The following BANK1 variants were observed in gnomAD, a reference collection of about 807,000 sequenced individuals.
BANK1 encodes the protein B cell scaffold protein with ankyrin repeats 1.
BANK1 carries 95 observed loss-of-function variants against 94.5 expected under a neutral mutation model. The observed-to-expected ratio is 1.00, with a 90% CI of 0.85 to 1.19. The LOEUF is 1.19. BANK1 is among the 50% of genes most tolerant of loss of function. BANK1 has a pLI of 0.00. For missense variants in BANK1, 987 were observed against 932.2 expected (o/e 1.06, Z -0.77); for synonymous variants, 334 against 308.4 (o/e 1.08, Z -0.87).
Position 101,830,105 on chromosome 4 carries a change from A to C in BANK1, c.368A>C (p.Gln123Pro). ...TLLCGVKSSD[Q>P]LYELLNISQS... is the part of the protein sequence containing the mutation. ...CTTTGTGGAGTGAAGAGTTCAGATC[A>C]GCTCTATGAATTACTAAATATCTCT... The change falls in exon 2 of 17, where the codon CAG (glutamine) becomes CCG (proline). Residue 123 changes from glutamine (Q) to proline (P), a missense_variant. Physicochemically the swap from Gln to Pro is moderately conservative, Grantham distance 76. Transcript: ENST00000322953. 1 of 1,613,254 alleles carries C rather than the reference A, an allele frequency of 6.2e-7. No homozygotes were observed. The highest frequency in any genetic ancestry group is 8.5e-7 in the Non-Finnish European group (1 of 1,179,724).
At chr4:102,031,868 C>T (rs751740166) in intron 10 of BANK1, among the ~76,000 whole-genome samples, 14 of 152,058 alleles carry the variant, frequency 9.2e-5, no homozygotes, top group South Asian at 4.1e-4. Context: ...TTAGCAAGCA[C>T]GTATAAAGTA....
chr4:101,819,031 A>G (rs554082199), intron 1 of BANK1, among the ~76,000 whole-genome samples: 46 of 152,200 alleles, frequency 3.0e-4, no homozygotes, highest in Non-Finnish European at 3.4e-4. Context: ...CATAAAAAAT[A>G]CCCACAGGAT....
At chr4:102,031,478 A>C (rs1474044389) in intron 10 of BANK1, among the ~76,000 whole-genome samples, 8 of 152,076 alleles carry the variant, frequency 5.3e-5, no homozygotes, top group African/African-American at 1.9e-4. Flanking sequence ...TTTTGTTGTC[A>C]TTGCTTTTGG....
chr4:102,043,859 A>G lies in BANK1; in HGVS notation c.1921A>G (p.Arg641Gly), dbSNP rs140337324. ...IAQVFQQKTA[R>G]RQSDDDKFCG... Reference sequence around the variant, plus strand: ...TACAGTGTTTCAACAAAAGACAGCCAGAAGACAATCTGATGATGACAAGTT... The same window carrying G: ...TACAGTGTTTCAACAAAAGACAGCCGGAAGACAATCTGATGATGACAAGTT... Residue 641 changes from arginine to glycine, a missense_variant, in exon 11 of 17, where the codon AGA becomes GGA. Arg to Gly is a moderately radical substitution (Grantham distance 125). Transcript: ENST00000322953. The G allele has an allele frequency of 7.6e-5, 122 of 1,603,900 alleles. No homozygotes were observed. In the African/African-American group the frequency reaches 1.5e-3, roughly 19 times the overall value.
At chr4:101,832,243 G>A (rs912915406) in intron 2 of BANK1, among the ~76,000 whole-genome samples, 2 of 152,140 alleles carry the variant, frequency 1.3e-5, no homozygotes, top group African/African-American at 4.8e-5. Flanking sequence ...TTGAAGTTTA[G>A]TGACTTTACT....
At chr4:101,958,645 G>T (rs183441905) in intron 7 of BANK1, among the ~76,000 whole-genome samples, 2 of 152,168 alleles carry the variant, frequency 1.3e-5, no homozygotes, top group East Asian at 3.9e-4. Flanking sequence ...CTCTACTATG[G>T]CCACCTTGCC....
intron 6 of BANK1, among the ~76,000 whole-genome samples, chr4:101,896,514 A>G (rs1243290144): frequency 6.6e-6 from 1 of 152,000 alleles, no homozygotes; most frequent in African/African-American, 2.4e-5. Context: ...AGGTTCCGTT[A>G]GGAAGAAAAG....
At chr4:101,974,337 T>G (rs1455988429) in intron 7 of BANK1, among the ~76,000 whole-genome samples, 2 of 152,132 alleles carry the variant, frequency 1.3e-5, no homozygotes, top group Non-Finnish European at 2.9e-5. Flanking sequence ...TAAACATGTT[T>G]GTAAACAACC....
intron 13 of BANK1, among the ~76,000 whole-genome samples, chr4:102,065,997 A>AT (rs1344343477): frequency 1.3e-5 from 2 of 152,146 alleles, no homozygotes; most frequent in East Asian, 1.9e-4. Context: ...GAGCCAAAAT[A>AT]TTTTTTAAAA....
intron 1 of BANK1, among the ~76,000 whole-genome samples, chr4:101,822,617 CTTT>C (rs35179391): frequency 8.6e-5 from 12 of 139,652 alleles, no homozygotes; most frequent in Non-Finnish European, 1.3e-4. Context: ...GGAATCAATA[CTTT>C]TTTTTTTTTT....
chr4:101,976,209 C>G (rs564503039), intron 7 of BANK1, among the ~76,000 whole-genome samples: 51 of 152,110 alleles, frequency 3.4e-4, no homozygotes, highest in Non-Finnish European at 6.3e-4. Context: ...ATTCTAAATA[C>G]AGCTTGGCTG....
intron 6 of BANK1, among the ~76,000 whole-genome samples, chr4:101,915,549 A>T (rs1404260895): frequency 7.2e-5 from 11 of 152,132 alleles, no homozygotes; most frequent in Admixed American, 7.2e-4. Flanking sequence ...TTAACAAGAG[A>T]AATACCAAGT....
At chr4:101,929,634 G>T (rs1367579571) in intron 7 of BANK1, among the ~76,000 whole-genome samples, 1 of 151,148 alleles carries the variant, frequency 6.6e-6, no homozygotes, top group Non-Finnish European at 1.5e-5. Flanking sequence ...TTTATTTTTT[G>T]TCTGCTTTCT....
At chr4:101,917,871 C>A in intron 6 of BANK1, 122 bp from the exon 7 acceptor site, 1 of 567,004 alleles carries the variant, frequency 1.8e-6, no homozygotes, top group African/African-American at 1.9e-5. Flanking sequence ...TTGATAGTTT[C>A]TTACACAAAA....
At chr4:101,851,300 A>G (rs1727466296) in intron 2 of BANK1, among the ~76,000 whole-genome samples, 1 of 152,200 alleles carries the variant, frequency 6.6e-6, no homozygotes, top group Admixed American at 6.5e-5. Context: ...CCTTTTTCAG[A>G]GCAAGGCATG....
chr4:101,895,192 T>C (rs1223213797), intron 5 of BANK1, 113 bp from the exon 6 acceptor site: 2 of 555,702 alleles, frequency 3.6e-6, no homozygotes, highest in Non-Finnish European at 6.3e-6. Flanking sequence ...TCAGTATTAC[T>C]AAAGATTAGC....
At chr4:101,792,531 G>A (rs1725031782) in intron 1 of BANK1, among the ~76,000 whole-genome samples, 1 of 150,442 alleles carries the variant, frequency 6.6e-6, no homozygotes, top group Admixed American at 6.6e-5. Flanking sequence ...ATGGCACATT[G>A]GGGGTCAATT....
At chr4:101,909,230 A>C (rs890626973) in intron 6 of BANK1, among the ~76,000 whole-genome samples, 1 of 152,206 alleles carries the variant, frequency 6.6e-6, no homozygotes, top group African/African-American at 2.4e-5. Context: ...GGATGAGTTC[A>C]TGTCCTTTGT....
intron 7 of BANK1, among the ~76,000 whole-genome samples, chr4:101,955,105 G>A (rs1025393494): frequency 1.3e-5 from 2 of 152,164 alleles, no homozygotes; most frequent in African/African-American, 2.4e-5. Context: ...GACAGGTGCT[G>A]TAGAAAGGGG....
Sources: gnomAD v4.1 joint callset for allele counts (sites outside exome capture counted in the v4.1 genomes callset) on GRCh38, gnomAD v4.1.1 for gene constraint, MANE v1.5 for transcripts, NCBI Gene and HGNC (gene_info 2026-07-23, HGNC 2026-07-21) for gene names.